Variants in KCNB2 observed in about 807,000 individuals in gnomAD.
The protein encoded by KCNB2 is potassium voltage-gated channel subfamily B member 2.
In KCNB2, 15 loss-of-function variants were observed where a neutral mutation model predicts 61.5. The observed-to-expected ratio is 0.24, with a 90% confidence interval of 0.16 to 0.38. The LOEUF (loss-of-function observed/expected upper bound fraction) is 0.38. KCNB2 is among the 10% of genes least tolerant of loss of function. The probability of loss-of-function intolerance (pLI) is 1.00; values close to 1 mark genes in which losing one functional copy is unlikely to be tolerated. For missense variants in KCNB2, 828 were observed against 1,125.2 expected (o/e 0.74, Z 3.78); for synonymous variants, 457 against 446.0 (o/e 1.02, Z -0.31).
chr8:72,780,494 G>A (rs1808735338), intron 2 of KCNB2, among the ~76,000 whole-genome samples: 1 of 152,156 alleles, frequency 6.6e-6, no homozygotes, highest in Non-Finnish European at 1.5e-5. Flanking sequence ...CTAAGTATGA[G>A]TTAATTGCAT....
chr8:72,555,499 T>C (rs1806410362), intron 1 of KCNB2, among the ~76,000 whole-genome samples: 1 of 151,840 alleles, frequency 6.6e-6, no homozygotes, highest in African/African-American at 2.4e-5. Context: ...CACCGACATG[T>C]TCTTTTATTA....
chr8:72,557,047 C>T (rs1806440239), intron 1 of KCNB2, among the ~76,000 whole-genome samples: 1 of 152,048 alleles, frequency 6.6e-6, no homozygotes, highest in Admixed American at 6.6e-5. Flanking sequence ...CATGAGGGCC[C>T]TGCTCTCATG....
At chr8:72,672,060 T>C (rs1010344813) in intron 2 of KCNB2, among the ~76,000 whole-genome samples, 1 of 152,138 alleles carries the variant, frequency 6.6e-6, no homozygotes, top group African/African-American at 2.4e-5. Flanking sequence ...TGGCAATAGA[T>C]AACTGATACA....
intron 2 of KCNB2, chr8:72,660,761 G>C (rs1563551783): frequency 6.6e-6 from 1 of 152,114 alleles, no homozygotes; most frequent in East Asian, 1.9e-4. Flanking sequence ...AGCTGATCTT[G>C]TCATCAGTTT....
At chr8:72,820,783 A>T (rs1290431092) in intron 2 of KCNB2, among the ~76,000 whole-genome samples, 1 of 152,140 alleles carries the variant, frequency 6.6e-6, no homozygotes. Flanking sequence ...CCTCTCTGTC[A>T]GATCATTTTA....
At chr8:72,636,280 G>C (rs369710845) in intron 2 of KCNB2, among the ~76,000 whole-genome samples, 1 of 152,034 alleles carries the variant, frequency 6.6e-6, no homozygotes, top group Non-Finnish European at 1.5e-5. Context: ...ATAAATCGTC[G>C]CTCAGGGACA....
intron 2 of KCNB2, among the ~76,000 whole-genome samples, chr8:72,875,483 G>A (rs138867290): frequency 1.2e-4 from 18 of 150,724 alleles, no homozygotes; most frequent in African/African-American, 4.1e-4. Flanking sequence ...ATGATCAGAT[G>A]TATGATCATT....
intron 2 of KCNB2, among the ~76,000 whole-genome samples, chr8:72,770,166 TA>T (rs1042249884): frequency 3.3e-5 from 5 of 152,138 alleles, no homozygotes; most frequent in African/African-American, 1.2e-4. Context: ...CTACAGCAAC[TA>T]AAAAATATGC....
chr8:72,902,531 G>C (rs1806107864), intron 2 of KCNB2, among the ~76,000 whole-genome samples: 1 of 152,132 alleles, frequency 6.6e-6, no homozygotes. Context: ...ATGCTACATG[G>C]ATATTGAACT....
intron 2 of KCNB2, among the ~76,000 whole-genome samples, chr8:72,828,395 G>A (rs1023229298): frequency 6.6e-6 from 1 of 152,046 alleles, no homozygotes; most frequent in Non-Finnish European, 1.5e-5. Flanking sequence ...ATGCTATGAG[G>A]CCATTCATCA....
chr8:72,794,700 G>A (rs990118107), intron 2 of KCNB2, among the ~76,000 whole-genome samples: 2 of 152,078 alleles, frequency 1.3e-5, no homozygotes, highest in African/African-American at 4.8e-5. Context: ...TTGCTGATTG[G>A]TCAGTTAAGT....
At chr8:72,591,220 C>G (rs74624819) in intron 2 of KCNB2, among the ~76,000 whole-genome samples, 4 of 152,022 alleles carry the variant, frequency 2.6e-5, no homozygotes, top group Non-Finnish European at 5.9e-5. Flanking sequence ...CTTAGGCATT[C>G]GGAGGTTTAA....
In KCNB2 at chr8:72,561,729, CTATATCT is replaced by C. The variant is rs1563523413; in HGVS notation, c.-93-5912_-93-5906del. ...TATATATATATATATATATATATAT[CTATATCT>C]ATATATATATGTATATATATATATG... On this transcript the variant is annotated intron_variant, in intron 1 of 2. Coordinates refer to ENST00000523207, the MANE Select transcript of KCNB2 (RefSeq NM_004770.3). Among the ~76,000 whole-genome samples the C allele has an allele frequency of 6.3e-3, 129 of 20,376 alleles. 9 individuals are homozygous for C. Among genetic ancestry groups the C allele is most frequent in the African/African-American group, 0.028 (110 of 3,860 alleles). The allele number at this position is 20,376 out of a possible 152,430, so 13.4% of individuals were successfully genotyped here.
chr8:72,924,301 C>G (rs1001452344), intron 2 of KCNB2, among the ~76,000 whole-genome samples: 3 of 152,178 alleles, frequency 2.0e-5, no homozygotes, highest in African/African-American at 7.2e-5. Context: ...TGAGAATCCA[C>G]TCCTGTCCCC....
chr8:72,761,657 C>T (rs920780226), intron 2 of KCNB2, among the ~76,000 whole-genome samples: 4 of 152,160 alleles, frequency 2.6e-5, no homozygotes, highest in Non-Finnish European at 2.9e-5. Flanking sequence ...ACAAGAATAC[C>T]ATCTTGCTTG....
At chr8:72,859,122 A>T (rs1410587423) in intron 2 of KCNB2, among the ~76,000 whole-genome samples, 1 of 152,202 alleles carries the variant, frequency 6.6e-6, no homozygotes, top group African/African-American at 2.4e-5. Context: ...AGTACCTCTC[A>T]GTGTGAATCT....
At chr8:72,894,808 A>G (rs953110687) in intron 2 of KCNB2, among the ~76,000 whole-genome samples, 2 of 152,196 alleles carry the variant, frequency 1.3e-5, no homozygotes, top group African/African-American at 4.8e-5. Context: ...TCACTTTACA[A>G]TAGGTTTGCA....
chr8:72,806,008 G>A (rs1809213316), intron 2 of KCNB2, among the ~76,000 whole-genome samples: 1 of 152,142 alleles, frequency 6.6e-6, no homozygotes, highest in Non-Finnish European at 1.5e-5. Flanking sequence ...TTGCAAAGGG[G>A]CAGCAATAGA....
chr8:72,813,588 G>A (rs1809341992), intron 2 of KCNB2, among the ~76,000 whole-genome samples: 2 of 152,192 alleles, frequency 1.3e-5, no homozygotes, highest in Admixed American at 1.3e-4. Flanking sequence ...TACCCAGGAT[G>A]CAATCAATGA....
Sources: gnomAD v4.1 joint callset for allele counts (sites outside exome capture counted in the v4.1 genomes callset) on GRCh38, gnomAD v4.1.1 for gene constraint, MANE v1.5 for transcripts, NCBI Gene and HGNC (gene_info 2026-07-23, HGNC 2026-07-21) for gene names.